Variants in SMIM13 observed in about 807,000 individuals in gnomAD.
SMIM13 encodes small integral membrane protein 13.
A neutral mutation model predicts 5.9 loss-of-function variants in SMIM13; 3 were observed. That is an observed-to-expected ratio of 0.51 (90% CI 0.23 to 1.31). The LOEUF (loss-of-function observed/expected upper bound fraction) is 1.31, where lower values mean the gene tolerates loss of function less well. SMIM13 is among the 40% of genes most tolerant of loss of function. The pLI, the probability that SMIM13 is intolerant of heterozygous loss-of-function variation, is 0.18. For missense variants in SMIM13, 85 were observed against 109.9 expected (o/e 0.77, Z 1.01); for synonymous variants, 55 against 46.0 (o/e 1.19, Z -0.79).
intron 1 of SMIM13, among the ~76,000 whole-genome samples, chr6:11,121,316 TAAG>T (rs1758306229): frequency 6.6e-6 from 1 of 152,224 alleles, no homozygotes; most frequent in Non-Finnish European, 1.5e-5. Flanking sequence ...GAATAAGAGT[TAAG>T]AAGTTTCTGA....
chr6:11,126,886 C>A (rs180998430), intron 1 of SMIM13, among the ~76,000 whole-genome samples: 63 of 152,284 alleles, frequency 4.1e-4, no homozygotes, highest in African/African-American at 1.5e-3. Flanking sequence ...CTCTTGCAGA[C>A]TTGTAGAGTC....
In SMIM13 at chr6:11,103,862, A is replaced by T. The variant is rs1185025303; in HGVS notation, c.76+9473A>T. On this transcript the variant is annotated intron_variant, in intron 1 of 1. Coordinates refer to ENST00000416247, the MANE Select transcript of SMIM13 (RefSeq NM_001135575.2). ...TAACAAGTGGGCCTGTAAGGGGAAG[A>T]ACCCAAGAGAACCATTTCCAAGTTC... 3.2e-6 allele frequency: 5 copies of T among 1,551,610 alleles called. No homozygotes were observed. The African/African-American group carries it at 6.8e-5, about 21-fold the overall frequency.
At position 11,095,952 on chromosome 6, in the gene SMIM13, G is replaced by A. The variant is rs537478938; in HGVS notation, c.76+1563G>A. Among the ~76,000 whole-genome samples, 23 of 152,284 alleles carry A rather than the reference G, an allele frequency of 1.5e-4. No individual in the cohort carries two copies. In the South Asian group the frequency reaches 1.9e-3, roughly 12 times the overall value. On this transcript the variant is annotated intron_variant, in intron 1 of 1. Coordinates refer to ENST00000416247, the MANE Select transcript of SMIM13 (RefSeq NM_001135575.2). ...CTGGACATGGGAATGAATGTGACACGTAGACCCTACCATACCTTCACTAGG... is the reference window on the plus strand; with the variant it reads ...CTGGACATGGGAATGAATGTGACACATAGACCCTACCATACCTTCACTAGG...
At position 11,097,902 on chromosome 6, in the gene SMIM13, A is replaced by T. The variant is rs543579989; in HGVS notation, c.76+3513A>T. ...ATGCTGTGAACCTTTCTTTTTTTTT[A>T]AAAAAGAAAAATTCACCCACATAAC... On this transcript the variant is annotated intron_variant, in intron 1 of 1. Transcript: ENST00000416247. 2.8e-4 allele frequency among the ~76,000 whole-genome samples: 42 copies of T among 151,736 alleles called. No homozygotes were observed. In the East Asian group the frequency reaches 4.6e-3, roughly 17 times the overall value.
intron 1 of SMIM13, among the ~76,000 whole-genome samples, chr6:11,133,740 T>TG (rs2113671492): frequency 6.9e-6 from 1 of 145,100 alleles, no homozygotes; most frequent in African/African-American, 2.7e-5. Context: ...CAAAACTTGT[T>TG]TTTTTTTTTT....
At chr6:11,132,116 A>T (rs1758456802) in intron 1 of SMIM13, among the ~76,000 whole-genome samples, 2 of 152,192 alleles carry the variant, frequency 1.3e-5, no homozygotes, top group African/African-American at 4.8e-5. Context: ...AGCAAAAGAA[A>T]TGAATAGATA....
At chr6:11,124,843 C>T (rs969448710) in intron 1 of SMIM13, among the ~76,000 whole-genome samples, 3 of 152,124 alleles carry the variant, frequency 2.0e-5, no homozygotes, top group Non-Finnish European at 4.4e-5. Flanking sequence ...GGTTGAAGAA[C>T]TCCTTTTATC....
intron 1 of SMIM13, among the ~76,000 whole-genome samples, chr6:11,116,248 GC>G (rs1758238933): frequency 6.6e-6 from 1 of 151,790 alleles, no homozygotes; most frequent in Non-Finnish European, 1.5e-5. Context: ...CAAACTCTGG[GC>G]CTCAGGTGAT....
At position 11,137,201 on chromosome 6, in the gene SMIM13, A is replaced by G. The variant is rs1476481516; in HGVS notation, c.*2599A>G. 6.6e-6 allele frequency: 1 copy of G among 152,210 alleles called. No individual in the cohort carries two copies. The highest frequency in any genetic ancestry group is 1.9e-4 in the East Asian group (1 of 5,202). The allele number at this position is 152,210 out of a possible 1,614,324, so 9.4% of individuals were successfully genotyped here. On this transcript the variant is annotated 3_prime_UTR_variant, in exon 2 of 2. Coordinates refer to ENST00000416247, the MANE Select transcript of SMIM13 (RefSeq NM_001135575.2). ...AAATATACCTAAAAGCATACTAGTT[A>G]GCTCTTAGACTCTCACTTAGGGAGG...
At chr6:11,108,850 C>A (rs1445775606) in intron 1 of SMIM13, among the ~76,000 whole-genome samples, 1 of 152,120 alleles carries the variant, frequency 6.6e-6, no homozygotes, top group Non-Finnish European at 1.5e-5. Flanking sequence ...TCTAGTGGGT[C>A]TGGGTCTAGG....
chr6:11,095,582 C>T (rs529352547), intron 1 of SMIM13, among the ~76,000 whole-genome samples: 1 of 152,268 alleles, frequency 6.6e-6, no homozygotes, highest in East Asian at 1.9e-4. Flanking sequence ...GAACTCCTGA[C>T]CTCATGTGAT....
rs1378835543 is a variant in SMIM13 at position 11,123,035 on chromosome 6, C to G, written c.77-11368C>G. 3.9e-5 allele frequency among the ~76,000 whole-genome samples: 6 copies of G among 152,110 alleles called. No homozygotes were observed. In the South Asian group the frequency reaches 1.2e-3, roughly 31 times the overall value. ...CCAGTCTGGGCAACAAAGCAAGACC[C>G]TATCTCTACAGTAAATAAATAAAAA... On this transcript the variant is annotated intron_variant, in intron 1 of 1. Transcript: ENST00000416247.
intron 1 of SMIM13, among the ~76,000 whole-genome samples, chr6:11,125,133 C>T (rs1200327397): frequency 1.3e-5 from 2 of 151,056 alleles, no homozygotes; most frequent in Non-Finnish European, 2.9e-5. Context: ...CAAAAATCAG[C>T]TGGGCATGGT....
intron 1 of SMIM13, among the ~76,000 whole-genome samples, chr6:11,101,804 A>G (rs1365954694): frequency 6.6e-6 from 1 of 151,390 alleles, no homozygotes; most frequent in Non-Finnish European, 1.5e-5. Context: ...GAGTGGCACA[A>G]TTGCCGCTCA....
intron 1 of SMIM13, among the ~76,000 whole-genome samples, chr6:11,098,901 T>C (rs1004492280): frequency 1.3e-5 from 2 of 152,234 alleles, no homozygotes; most frequent in African/African-American, 4.8e-5. Context: ...GTGTACAGAT[T>C]ACATGTGTTA....
intron 1 of SMIM13, chr6:11,103,703 TG>T: frequency 6.5e-7 from 1 of 1,550,106 alleles, no homozygotes; most frequent in Non-Finnish European, 8.7e-7. Context: ...CTTAGAAGGG[TG>T]ACTCTTGAAT....
Position 11,103,552 on chromosome 6 carries a change from C to A in SMIM13, c.76+9163C>A. 4.0e-6 allele frequency: 5 copies of A among 1,257,998 alleles called. No individual in the cohort carries two copies. The South Asian group carries it at 8.7e-5, about 22-fold the overall frequency. 77.9% of individuals were successfully genotyped at this position (1,257,998 alleles called of 1,614,324 possible). On this transcript the variant is annotated intron_variant, in intron 1 of 1. Coordinates refer to ENST00000416247, the MANE Select transcript of SMIM13 (RefSeq NM_001135575.2). ...TGACAGAGGGGCTGTAGTGGTTGTT[C>A]TGTGGGTCTTGGCCTCTTGCTAGCT...
rs543902453 is a variant in SMIM13 at position 11,126,283 on chromosome 6, C to T, written c.77-8120C>T. ...CAGGCTGGTCTCAAACTCCTGACCTCGTGATCTGCCTGCCTCGGCTTCCCA... is the reference window on the plus strand; with the variant it reads ...CAGGCTGGTCTCAAACTCCTGACCTTGTGATCTGCCTGCCTCGGCTTCCCA... On this transcript the variant is annotated intron_variant, in intron 1 of 1. Transcript: ENST00000416247. Among the ~76,000 whole-genome samples, 214 of 152,274 alleles carry T rather than the reference C, an allele frequency of 1.4e-3. 1 individual carries two copies. The highest frequency in any genetic ancestry group is 3.4e-3 in the Middle Eastern group (1 of 294).
At chr6:11,104,511 A>G (rs745426977) in intron 1 of SMIM13, 6 of 1,562,476 alleles carry the variant, frequency 3.8e-6, no homozygotes, top group Non-Finnish European at 5.2e-6. Context: ...TGATATGCCC[A>G]GGTAGCTGGT....
Sources: allele counts gnomAD v4.1 joint callset (sites outside exome capture counted in the v4.1 genomes callset), GRCh38; gene constraint gnomAD v4.1.1; transcripts MANE v1.5; gene names NCBI Gene and HGNC (gene_info 2026-07-23, HGNC 2026-07-21).